The following GAN variants were observed in gnomAD, a reference collection of about 807,000 sequenced individuals.
GAN encodes the protein epididymis secretory sperm binding protein.
Under a neutral mutation model 71.3 loss-of-function variants are expected in GAN, and 48 were observed. The ratio of observed to expected loss-of-function variants is 0.67; its 90% CI spans 0.53 to 0.86. The LOEUF is 0.86. GAN is among the 40% of genes least tolerant of loss of function. The pLI is 0.00. For missense variants in GAN, 928 were observed against 770.1 expected (o/e 1.21, Z -2.43); for synonymous variants, 386 against 276.8 (o/e 1.39, Z -3.92).
At chr16:81,334,135 C>G (rs1909676021) in intron 1 of GAN, among the ~76,000 whole-genome samples, 1 of 152,276 alleles carries the variant, frequency 6.6e-6, no homozygotes, top group South Asian at 2.1e-4. Flanking sequence ...TGTAATTGGA[C>G]ATGGTTATGC....
At chr16:81,357,624 T>A (rs1910534455) in intron 4 of GAN, among the ~76,000 whole-genome samples, 186 bp from the exon 5 acceptor site, 1 of 152,210 alleles carries the variant, frequency 6.6e-6, no homozygotes, top group African/African-American at 2.4e-5. Context: ...ATATACCCAG[T>A]AATGGGATGG....
At chr16:81,342,037 G>C (rs1490797710) in intron 1 of GAN, among the ~76,000 whole-genome samples, 1 of 152,162 alleles carries the variant, frequency 6.6e-6, no homozygotes. Flanking sequence ...AGACAAAGAA[G>C]GCCATTACAT....
Position 81,364,027 on chromosome 16 carries a change from T to C in GAN, c.1236+84T>C. The stretch of plus-strand genomic sequence containing the variant: ...TGTCTTCATATCCTGAATAAACCTT[T>C]AATATAACTGATGGTGTTAAAAGAA... On this transcript the variant is annotated intron_variant, in intron 7 of 10. Coordinates refer to ENST00000648994, the MANE Select transcript of GAN (RefSeq NM_022041.4). 3.0e-6 allele frequency: 3 copies of C among 1,015,928 alleles called. No individual in the cohort carries two copies. The South Asian group carries it at 3.8e-5, about 13-fold the overall frequency. The allele number at this position is 1,015,928 out of a possible 1,614,324, so 62.9% of individuals were successfully genotyped here.
intron 4 of GAN, among the ~76,000 whole-genome samples, chr16:81,357,506 A>T (rs149829661): frequency 4.6e-5 from 7 of 152,104 alleles, no homozygotes; most frequent in Non-Finnish European, 7.3e-5. Flanking sequence ...CAGTCTATCA[A>T]TGTTGGACAT....
At chr16:81,332,391 C>G (rs879285912) in intron 1 of GAN, among the ~76,000 whole-genome samples, 3 of 152,200 alleles carry the variant, frequency 2.0e-5, no homozygotes, top group Admixed American at 2.0e-4. Flanking sequence ...GCTTTCTACA[C>G]TGGTCCTTGA....
intron 9 of GAN, among the ~76,000 whole-genome samples, chr16:81,376,999 C>A (rs912986122): frequency 6.6e-6 from 1 of 152,184 alleles, no homozygotes; most frequent in Non-Finnish European, 1.5e-5. Context: ...AAAGCACATG[C>A]TGTTTATGAC....
chr16:81,321,367 C>G (rs754301366), intron 1 of GAN, among the ~76,000 whole-genome samples: 9 of 152,208 alleles, frequency 5.9e-5, no homozygotes, highest in African/African-American at 2.2e-4. Context: ...AGTCCTCACT[C>G]TTTTACCTAT....
chr16:81,354,871 G>A, intron 3 of GAN, 116 bp downstream of exon 3: 1 of 681,040 alleles, frequency 1.5e-6, no homozygotes, highest in South Asian at 1.7e-5. Context: ...CAATCTAAAA[G>A]ATACCTGTAA....
chr16:81,349,498 G>T (rs938401743), intron 1 of GAN, among the ~76,000 whole-genome samples: 1 of 152,064 alleles, frequency 6.6e-6, no homozygotes, highest in Admixed American at 6.5e-5. Flanking sequence ...ACAAAAATTA[G>T]CTGGGTGTGG....
intron 1 of GAN, among the ~76,000 whole-genome samples, chr16:81,329,697 T>C (rs563798775): frequency 6.6e-6 from 1 of 152,222 alleles, no homozygotes; most frequent in Non-Finnish European, 1.5e-5. Flanking sequence ...TCTCCAGGCT[T>C]CTGTGGCACC....
At chr16:81,370,973 C>CT (rs1911019753) in intron 9 of GAN, among the ~76,000 whole-genome samples, 2 of 142,930 alleles carry the variant, frequency 1.4e-5, no homozygotes, top group Non-Finnish European at 3.2e-5. Flanking sequence ...GCTGGACATG[C>CT]TGATATGTTT....
At position 81,389,847 on chromosome 16, in the gene GAN, AC is replaced by A. The variant is rs1472825932; in HGVS notation, c.*12254del. On this transcript the variant is annotated 3_prime_UTR_variant, in exon 11 of 11. Transcript: ENST00000648994. ...CTGGACCCTCGAGTATGTGACTGTCACCCTTGTCCAAGACTGGTTTTTAACA... is the reference window on the plus strand; with the variant it reads ...CTGGACCCTCGAGTATGTGACTGTCACCTTGTCCAAGACTGGTTTTTAACA... 6.6e-6 allele frequency: 1 copy of A among 152,016 alleles called. No homozygotes were observed. The highest frequency in any genetic ancestry group is 2.4e-5 in the African/African-American group (1 of 41,368). The allele number at this position is 152,016 out of a possible 1,614,324, so 9.4% of individuals were successfully genotyped here.
rs533522450 is a variant in GAN, at chr16:81,385,073, G to C, written c.*7477G>C. 2.6e-5 allele frequency: 4 copies of C among 154,146 alleles called. No individual in the cohort carries two copies. The highest frequency in any genetic ancestry group is 5.9e-5 in the Non-Finnish European group (4 of 68,204). 9.5% of individuals were successfully genotyped at this position (154,146 alleles called of 1,614,324 possible). On this transcript the variant is annotated 3_prime_UTR_variant, in exon 11 of 11. Transcript: ENST00000648994. ...CCAGGTAAAATCTGGTGCTTAAGTTGTACCAAGTATAGCCAAGTTTAACTG... is the reference window on the plus strand; with the variant it reads ...CCAGGTAAAATCTGGTGCTTAAGTTCTACCAAGTATAGCCAAGTTTAACTG...
intron 1 of GAN, among the ~76,000 whole-genome samples, chr16:81,332,579 C>T (rs1014657409): frequency 6.6e-6 from 1 of 152,192 alleles, no homozygotes; most frequent in Admixed American, 6.5e-5. Context: ...CTCTGTGAAG[C>T]CTCCTGTGAC....
Position 81,365,247 on chromosome 16 carries a change from C to T in GAN, c.1374-103C>T, listed in dbSNP as rs1910813132. 3 of 1,565,532 alleles carry T rather than the reference C, an allele frequency of 1.9e-6. No homozygotes were observed. The South Asian group carries it at 3.3e-5, about 17-fold the overall frequency. On this transcript the variant is annotated intron_variant, in intron 8 of 10. Coordinates refer to ENST00000648994, the MANE Select transcript of GAN (RefSeq NM_022041.4). ...TTGGCATTTCCTGAGAAAGGAAGGC[C>T]CACGTAGTAATGCTGCAGAGTTAAA...
At chr16:81,345,199 C>T (rs1012499309) in intron 1 of GAN, among the ~76,000 whole-genome samples, 3 of 152,158 alleles carry the variant, frequency 2.0e-5, no homozygotes, top group Non-Finnish European at 2.9e-5. Context: ...GTGGCGATTC[C>T]TCAAGGATCT....
rs1341778634 is a variant in GAN at position 81,383,064 on chromosome 16, C to T, written c.*5468C>T. On this transcript the variant is annotated 3_prime_UTR_variant, in exon 11 of 11. Coordinates refer to ENST00000648994, the MANE Select transcript of GAN (RefSeq NM_022041.4). ...CCTGGCCTCAGATGTGGAGACCCAG[C>T]TGGGACTACAGGCATGAGCCACCAC... is the stretch of plus-strand genomic sequence containing the variant. The T allele has an allele frequency of 6.6e-6, 1 of 152,066 alleles. No homozygotes were observed. The highest frequency in any genetic ancestry group is 6.6e-5 in the Admixed American group (1 of 15,254). The allele number at this position is 152,066 out of a possible 1,614,324, so 9.4% of individuals were successfully genotyped here. A position where few individuals can be genotyped will look rare whatever the true frequency, so the allele number is the denominator to read the frequency against.
chr16:81,386,726 C>G lies in GAN; in HGVS notation c.*9130C>G, dbSNP rs1030828772. On this transcript the variant is annotated 3_prime_UTR_variant, in exon 11 of 11. Transcript: ENST00000648994. ...CTTTGGGAGGCCAAGGCGGGCAGATCACCTGAGGTCGGCAGTTTGAGACCA... is the reference window on the plus strand; with the variant it reads ...CTTTGGGAGGCCAAGGCGGGCAGATGACCTGAGGTCGGCAGTTTGAGACCA... 27 of 152,406 alleles carry G rather than the reference C, an allele frequency of 1.8e-4. No homozygotes were observed. Among genetic ancestry groups the G allele is most frequent in the African/African-American group, 6.5e-4 (27 of 41,582 alleles). 9.4% of individuals were successfully genotyped at this position (152,406 alleles called of 1,614,324 possible).
intron 1 of GAN, among the ~76,000 whole-genome samples, chr16:81,333,184 G>A (rs187244383): frequency 1.9e-3 from 283 of 149,714 alleles, no homozygotes; most frequent in African/African-American, 6.7e-3. Flanking sequence ...GGAGGTTGCA[G>A]TGAGCTGAGA....
Sources: gnomAD v4.1 joint callset for allele counts (sites outside exome capture counted in the v4.1 genomes callset) on GRCh38, gnomAD v4.1.1 for gene constraint, MANE v1.5 for transcripts, NCBI Gene and HGNC (gene_info 2026-07-23, HGNC 2026-07-21) for gene names.